Variants in MANBA observed in about 807,000 individuals in gnomAD.
The protein encoded by MANBA is mannosidase beta.
Under a neutral mutation model 111.1 loss-of-function variants are expected in MANBA, and 83 were observed. That is an observed-to-expected ratio of 0.75 (90% CI 0.63 to 0.90). The LOEUF is 0.90. Ranked by LOEUF, MANBA falls within the 40% of genes least tolerant of loss-of-function variation. The pLI is 0.00. For synonymous variants in MANBA, 370 were observed against 378.7 expected (o/e 0.98, Z 0.27); for missense variants, 1,036 against 1,069.0 (o/e 0.97, Z 0.43).
chr4:102,746,371 T>C (rs532151478), intron 1 of MANBA, among the ~76,000 whole-genome samples: 17 of 152,328 alleles, frequency 1.1e-4, no homozygotes, highest in Admixed American at 4.6e-4. Context: ...GCTCTTTCTC[T>C]ATAGGAGATA....
intron 5 of MANBA, among the ~76,000 whole-genome samples, chr4:102,712,049 AGC>A (rs1722090834): frequency 6.6e-6 from 1 of 152,230 alleles, no homozygotes; most frequent in Admixed American, 6.5e-5. Context: ...ATTTCAAAAT[AGC>A]TAGAAGAGAG....
chr4:102,724,360 C>A (rs945826752), intron 2 of MANBA, among the ~76,000 whole-genome samples: 6 of 152,270 alleles, frequency 3.9e-5, no homozygotes, highest in Non-Finnish European at 5.9e-5. Flanking sequence ...GAGTTCGAGA[C>A]CATCCTGGCC....
intron 8 of MANBA, among the ~76,000 whole-genome samples, chr4:102,673,507 C>CA (rs879403766): frequency 2.8e-3 from 318 of 112,430 alleles, no homozygotes; most frequent in African/African-American, 5.4e-3. Context: ...GACTCCATCT[C>CA]AAAAAAAAAA....
intron 1 of MANBA, among the ~76,000 whole-genome samples, chr4:102,748,718 G>T (rs1723674368): frequency 6.6e-6 from 1 of 152,142 alleles, no homozygotes; most frequent in Non-Finnish European, 1.5e-5. Flanking sequence ...TTCGAGACCA[G>T]CCTGGCCAAC....
intron 5 of MANBA, among the ~76,000 whole-genome samples, chr4:102,697,355 ATT>A (rs928820442): frequency 2.7e-5 from 4 of 150,568 alleles, no homozygotes; most frequent in African/African-American, 7.4e-5. Flanking sequence ...ATTTTATTTT[ATT>A]TTTTTATTAT....
intron 1 of MANBA, chr4:102,729,080 T>C: frequency 1.3e-6 from 1 of 762,804 alleles, no homozygotes. Context: ...TGCCATGTCC[T>C]GCTTGGCCTG....
At chr4:102,674,172 T>A in intron 7 of MANBA, 102 bp from the exon 8 acceptor site, 1 of 833,928 alleles carries the variant, frequency 1.2e-6, no homozygotes, top group Non-Finnish European at 2.0e-6. Flanking sequence ...TTCAGTAGTT[T>A]AATGCTAATT....
intron 1 of MANBA, chr4:102,752,074 G>T: frequency 1.3e-6 from 1 of 759,034 alleles, no homozygotes; most frequent in South Asian, 1.4e-5. Context: ...AGAAGAAGAT[G>T]AAATGGAGGA....
chr4:102,754,750 G>T (rs561492955), intron 1 of MANBA, among the ~76,000 whole-genome samples: 1 of 152,150 alleles, frequency 6.6e-6, no homozygotes, highest in South Asian at 2.1e-4. Context: ...TAGAGACGGG[G>T]TTTCACCGTA....
At chr4:102,710,845 T>C (rs1021513135) in intron 5 of MANBA, among the ~76,000 whole-genome samples, 12 of 152,098 alleles carry the variant, frequency 7.9e-5, no homozygotes, top group African/African-American at 2.9e-4. Context: ...TCAGAGAACA[T>C]GCATTGGAGA....
chr4:102,756,747 CCTT>C (rs1160719713), intron 1 of MANBA, among the ~76,000 whole-genome samples: 1 of 147,076 alleles, frequency 6.8e-6, no homozygotes, highest in Non-Finnish European at 1.5e-5. Context: ...ATGTTTCCAA[CCTT>C]CTTCTTACTT....
chr4:102,698,344 G>GA (rs1560780860), intron 5 of MANBA, among the ~76,000 whole-genome samples: 1 of 151,180 alleles, frequency 6.6e-6, no homozygotes, highest in Non-Finnish European at 1.5e-5. Context: ...TTGCTGTGCA[G>GA]AAGCTCTTTA....
At chr4:102,663,427 A>G (rs1731060013) in intron 11 of MANBA, among the ~76,000 whole-genome samples, 1 of 152,230 alleles carries the variant, frequency 6.6e-6, no homozygotes, top group South Asian at 2.1e-4. Flanking sequence ...TCCATCAAAC[A>G]TGAAAAACAT....
chr4:102,653,099 C>T (rs1406392161), intron 12 of MANBA, among the ~76,000 whole-genome samples: 1 of 152,132 alleles, frequency 6.6e-6, no homozygotes, highest in African/African-American at 2.4e-5. Flanking sequence ...ATGGTCTATA[C>T]TAAAGGTAAA....
chr4:102,753,549 T>C (rs890457989), intron 1 of MANBA: 1 of 152,292 alleles, frequency 6.6e-6, no homozygotes, highest in African/African-American at 2.4e-5. Context: ...AATTAACTAT[T>C]TGGAAGAAAC....
chr4:102,639,797 T>G lies in MANBA; in HGVS notation c.1930A>C (p.Ile644Leu). ...ATCGTGTGCCCTTGCTGATCCACTA[T>G]CTCGCTGCGACTACGGCGGTAGAAT... ...TEFYRRSRSE[I>L]VDQQGHTMGA... The change falls in exon 14 of 17, where the codon ATA becomes CTA. Residue 644 changes from isoleucine (I) to leucine (L), a missense_variant. By Grantham distance (5) the Ile-to-Leu change is conservative (BLOSUM62 2). Transcript: ENST00000647097. 1.9e-6 allele frequency: 3 copies of G among 1,614,060 alleles called. No homozygotes were observed. Among genetic ancestry groups the G allele is most frequent in the Middle Eastern group, 3.3e-4 (2 of 6,062 alleles).
chr4:102,694,586 G>C (rs1466881895), intron 5 of MANBA, among the ~76,000 whole-genome samples: 1 of 152,006 alleles, frequency 6.6e-6, no homozygotes, highest in Non-Finnish European at 1.5e-5. Context: ...ATCATCACCA[G>C]CTCTCCTGAA....
At chr4:102,682,936 A>G (rs1025101656) in intron 7 of MANBA, 2 of 152,074 alleles carry the variant, frequency 1.3e-5, no homozygotes, top group African/African-American at 4.8e-5. Flanking sequence ...GTAATAATAG[A>G]CCTAGAAACC....
chr4:102,722,721 G>T, intron 4 of MANBA, 150 bp downstream of exon 4: 1 of 757,778 alleles, frequency 1.3e-6, no homozygotes, highest in Non-Finnish European at 2.3e-6. Flanking sequence ...TAATCTTTTG[G>T]TTCTTATTTC....
Sources: allele counts gnomAD v4.1 joint callset (sites outside exome capture counted in the v4.1 genomes callset), GRCh38; gene constraint gnomAD v4.1.1; transcripts MANE v1.5; gene names NCBI Gene and HGNC (gene_info 2026-07-23, HGNC 2026-07-21).